MYT1: variants seen among roughly 807,000 people sequenced by gnomAD.
MYT1 encodes myelin transcription factor I.
In MYT1, 23 loss-of-function variants were observed where a neutral mutation model predicts 123.0. The ratio of observed to expected loss-of-function variants is 0.19; its 90% CI spans 0.13 to 0.26. The LOEUF (loss-of-function observed/expected upper bound fraction) is 0.26, where lower values mean the gene tolerates loss of function less well. Among genes scored for constraint, MYT1 ranks in the 10% least tolerant of loss-of-function variants. MYT1 has a pLI of 1.00. For synonymous variants in MYT1, 518 were observed against 575.3 expected, an observed-to-expected ratio of 0.90 and a Z score of 1.43; for missense variants, 1,125 against 1,472.5, an observed-to-expected ratio of 0.76 and a Z score of 3.86.
rs1179468575 is a variant in MYT1 at position 64,237,530 on chromosome 20, C to T, written c.3093+140C>T. The T allele has an allele frequency of 5.1e-5, 34 of 663,168 alleles. No individual in the cohort carries two copies. In the Middle Eastern group the frequency reaches 1.2e-3, roughly 24 times the overall value. The allele number at this position is 663,168 out of a possible 1,614,324, so 41.1% of individuals were successfully genotyped here. ...GACGGACAGCGCAGTGGCTGGCACA[C>T]AGGCACACTTAGGACGTGCTGGCCG... On this transcript the variant is annotated intron_variant, in intron 21 of 22. Coordinates refer to ENST00000328439, the MANE Select transcript of MYT1 (RefSeq NM_004535.3).
chr20:64,232,133 C>T lies in MYT1; in HGVS notation c.2676-31C>T. 1 of 1,608,020 alleles carries T rather than the reference C, an allele frequency of 6.2e-7. No individual in the cohort carries two copies. Among genetic ancestry groups the T allele is most frequent in the Non-Finnish European group, 8.5e-7 (1 of 1,176,524 alleles). ...AGGCTTCTCCTCCCAACCCTTCGCCCCTGTACTCACCCCGGCCTCTCTGTA... is the reference window on the plus strand; with the variant it reads ...AGGCTTCTCCTCCCAACCCTTCGCCTCTGTACTCACCCCGGCCTCTCTGTA... On this transcript the variant is annotated intron_variant, in intron 18 of 22. Coordinates refer to ENST00000328439, the MANE Select transcript of MYT1 (RefSeq NM_004535.3). This position sits in a 1 kb window ranked among gnomAD's most constrained non-coding sequence, Gnocchi z 6.9.
intron 3 of MYT1, 31 bp downstream of exon 3, chr20:64,198,947 G>A (rs1983209612): frequency 1.9e-6 from 3 of 1,611,122 alleles, no homozygotes; most frequent in East Asian, 2.2e-5. Flanking sequence ...CTCCAGGGCT[G>A]TAAATGCCAC....
intron 18 of MYT1, among the ~76,000 whole-genome samples, chr20:64,228,376 A>G (rs6122068): frequency 0.13 from 19,031 of 152,242 alleles, 1,332 homozygotes; most frequent in Middle Eastern, 0.3. Flanking sequence ...GGTTAGAACA[A>G]TGTTGAAGCT....
At chr20:64,227,354 G>A (rs1984195823) in intron 16 of MYT1, 61 bp from the exon 17 acceptor site, 2 of 1,542,640 alleles carry the variant, frequency 1.3e-6, no homozygotes, top group East Asian at 2.3e-5. Flanking sequence ...GGGTCCCAGG[G>A]CTCTGGGCCG....
intron 19 of MYT1, among the ~76,000 whole-genome samples, chr20:64,234,685 C>T (rs950320938): frequency 1.5e-5 from 2 of 137,666 alleles, no homozygotes; most frequent in Non-Finnish European, 3.1e-5. Flanking sequence ...GGTATGTGAC[C>T]CTGGGCTGGC....
intron 10 of MYT1, among the ~76,000 whole-genome samples, chr20:64,214,982 T>G (rs73626455): frequency 6.6e-6 from 1 of 152,338 alleles, no homozygotes; most frequent in East Asian, 1.9e-4. Flanking sequence ...GCACAGAGAC[T>G]TGCCTTCCTG....
At chr20:64,169,175 TGAGTGGGAGGA>T (rs1372616733) in intron 1 of MYT1, among the ~76,000 whole-genome samples, 1 of 152,066 alleles carries the variant, frequency 6.6e-6, no homozygotes, top group Non-Finnish European at 1.5e-5. Context: ...CTGTCCTGCC[TGAGTGGGAGGA>T]GAGTGGGAGT....
chr20:64,180,005 A>T (rs984749769), intron 1 of MYT1, among the ~76,000 whole-genome samples: 1 of 150,780 alleles, frequency 6.6e-6, no homozygotes. Context: ...CATACGCCAC[A>T]CACGCTACAC....
intron 18 of MYT1, among the ~76,000 whole-genome samples, chr20:64,229,111 T>C (rs532502027): frequency 6.6e-6 from 1 of 152,334 alleles, no homozygotes; most frequent in Admixed American, 6.5e-5. Context: ...ACCAGCTGTT[T>C]GGTGTAATAG....
At chr20:64,177,105 T>C (rs1360570773) in intron 1 of MYT1, among the ~76,000 whole-genome samples, 1 of 152,262 alleles carries the variant, frequency 6.6e-6, no homozygotes, top group African/African-American at 2.4e-5. Flanking sequence ...AAGTGTATGA[T>C]GCTGGAAGTT....
At position 64,207,608 on chromosome 20, in the gene MYT1, A is replaced by G. The variant is rs148972645; in HGVS notation, c.412A>G (p.Lys138Glu). 2,537 of 1,613,234 alleles carry G rather than the reference A, an allele frequency of 1.6e-3. 2 individuals carry two copies. The highest frequency in any genetic ancestry group is 2.1e-3 in the Non-Finnish European group (2,437 of 1,179,642). ...PETAEGRSPV[K>E]SHFGSNPIGS... ...ATTTTGTGCAGGAAGGAGCCCCGTC[A>G]AGTCCCATTTTGGATCCAACCCCAT... The change falls in exon 7 of 23, where the codon AAG (lysine) becomes GAG (glutamate). Residue 138 changes from lysine to glutamate, a missense_variant. This residue lies in a region of MYT1 where 406 missense variants were observed against 432.2 expected (regional missense o/e 0.94). Transcript: ENST00000328439.
intron 1 of MYT1, among the ~76,000 whole-genome samples, chr20:64,184,330 A>G (rs1982738247): frequency 6.6e-6 from 1 of 150,692 alleles, no homozygotes. Flanking sequence ...GAGAGGTCCA[A>G]CTTCATTTTT....
chr20:64,234,343 T>C (rs1000655712), intron 19 of MYT1, among the ~76,000 whole-genome samples: 4 of 152,018 alleles, frequency 2.6e-5, no homozygotes, highest in African/African-American at 9.7e-5. Flanking sequence ...GGCAAGTGGG[T>C]CATGTGGACC....
At chr20:64,209,466 G>A (rs935131238) in intron 7 of MYT1, among the ~76,000 whole-genome samples, 12 of 152,190 alleles carry the variant, frequency 7.9e-5, no homozygotes, top group Non-Finnish European at 2.9e-5. Context: ...CCCTGATCTC[G>A]GCCTCTTTTT....
At chr20:64,209,907 G>A (rs1003145977) in intron 7 of MYT1, among the ~76,000 whole-genome samples, 26 of 152,296 alleles carry the variant, frequency 1.7e-4, no homozygotes, top group African/African-American at 6.0e-4. Flanking sequence ...CCCAGATGGC[G>A]GGACAGCTCT....
Position 64,196,556 on chromosome 20 carries a change from C to T in MYT1, c.1-2306C>T, listed in dbSNP as rs1057287335. Among the ~76,000 whole-genome samples, 3 of 152,228 alleles carry T rather than the reference C, an allele frequency of 2.0e-5. No individual in the cohort carries two copies. The highest frequency in any genetic ancestry group is 2.9e-5 in the Non-Finnish European group (2 of 68,046). Reference sequence around the variant, plus strand: ...CACCCAGCTCTTACGGGTTCATTCTCGTATTAAAGAGCCTGGTTTATTTTT... The same window carrying T: ...CACCCAGCTCTTACGGGTTCATTCTTGTATTAAAGAGCCTGGTTTATTTTT... On this transcript the variant is annotated intron_variant, in intron 2 of 22. Coordinates refer to ENST00000328439, the MANE Select transcript of MYT1 (RefSeq NM_004535.3). The surrounding 1 kb of genome is among the most constrained non-coding windows in gnomAD (Gnocchi z 4.3).
chr20:64,225,186 G>A (rs1984131862), intron 16 of MYT1, among the ~76,000 whole-genome samples: 1 of 152,136 alleles, frequency 6.6e-6, no homozygotes, highest in African/African-American at 2.4e-5. Context: ...GGACGATGGT[G>A]GTCTCCCCCC....
At chr20:64,214,077 C>T (rs1260928539) in intron 10 of MYT1, among the ~76,000 whole-genome samples, 1 of 152,222 alleles carries the variant, frequency 6.6e-6, no homozygotes, top group East Asian at 1.9e-4. Flanking sequence ...GCCACTAATC[C>T]TTGGCCGTCC....
At chr20:64,181,866 G>A (rs987732381) in intron 1 of MYT1, among the ~76,000 whole-genome samples, 3 of 152,188 alleles carry the variant, frequency 2.0e-5, no homozygotes, top group Non-Finnish European at 4.4e-5. Context: ...TGACATGGAT[G>A]TGAGTCTGTT....
Sources: gnomAD v4.1 joint callset for allele counts (sites outside exome capture counted in the v4.1 genomes callset) on GRCh38, gnomAD v4.1.1 for gene constraint, gnomAD v4.1.1 regional missense constraint, Gnocchi (gnomAD v3.1) non-coding constraint, MANE v1.5 for transcripts, NCBI Gene and HGNC (gene_info 2026-07-23, HGNC 2026-07-21) for gene names.